The following DHRSX variants were observed in gnomAD, a reference collection of about 807,000 sequenced individuals.
DHRSX encodes the protein polyprenol dehydrogenase.
Under a neutral mutation model 34.0 loss-of-function variants are expected in DHRSX, and 31 were observed. That is an observed-to-expected ratio of 0.91 (90% CI 0.69 to 1.23). DHRSX has a LOEUF of 1.23. Ranked by LOEUF, DHRSX falls within the 50% of genes most tolerant of loss-of-function variation. The probability of loss-of-function intolerance (pLI) is 0.00; values close to 1 mark genes in which losing one functional copy is unlikely to be tolerated. For synonymous variants in DHRSX, 201 were observed against 183.8 expected (o/e 1.09, Z -0.76); for missense variants, 414 against 428.1 (o/e 0.97, Z 0.29).
chrX:2,455,874 G>A (rs1302136314), intron 1 of DHRSX, among the ~76,000 whole-genome samples: 2 of 151,544 alleles, frequency 1.3e-5, no homozygotes, highest in African/African-American at 2.4e-5. Context: ...GGGATTTCCA[G>A]AGGCAGGACT....
chrX:2,388,175 G>A (rs2043294152), intron 3 of DHRSX, among the ~76,000 whole-genome samples: 1 of 152,096 alleles, frequency 6.6e-6, no homozygotes, highest in Non-Finnish European at 1.5e-5. Flanking sequence ...GGAACCCCAT[G>A]GCAAGATGCT....
intron 1 of DHRSX, among the ~76,000 whole-genome samples, chrX:2,491,066 GTTTT>G (rs900738620): frequency 2.7e-5 from 3 of 110,244 alleles, no homozygotes; most frequent in African/African-American, 3.5e-5. Flanking sequence ...AGTGCCTTTA[GTTTT>G]TTTTTTTTTT....
At chrX:2,388,768 G>A (rs2043301104) in intron 3 of DHRSX, among the ~76,000 whole-genome samples, 2 of 151,658 alleles carry the variant, frequency 1.3e-5, no homozygotes, top group Non-Finnish European at 2.9e-5. Context: ...AATCAGCCTT[G>A]CCCATACCCT....
At position 2,243,099 on chromosome X, in the gene DHRSX, A is replaced by C. The variant is rs1406300493; in HGVS notation, c.728T>G (p.Val243Gly). 1.9e-6 allele frequency: 3 copies of C among 1,613,590 alleles called. No homozygotes were observed. Among genetic ancestry groups the C allele is most frequent in the Non-Finnish European group, 2.5e-6 (3 of 1,179,712 alleles). ...VTANVVDPGV[V>G]NTDVYKHVFW... ...CACGTGCTTGTAGACGTCCGTGTTG[A>C]CCACCCCGGGGTCCACCACGTTGGC... Residue 243 changes from valine to glycine, a missense_variant, in exon 6 of 7, where the codon GTC becomes GGC. Val to Gly is a moderately radical substitution (Grantham distance 109, BLOSUM62 -3). Coordinates refer to ENST00000334651, the MANE Select transcript of DHRSX (RefSeq NM_145177.3).
At chrX:2,225,619 T>C (rs1472932720) in intron 6 of DHRSX, among the ~76,000 whole-genome samples, 1 of 150,818 alleles carries the variant, frequency 6.6e-6, no homozygotes, top group Admixed American at 6.6e-5. Context: ...TCAATGTATG[T>C]CGTTTCTAAG....
intron 3 of DHRSX, among the ~76,000 whole-genome samples, chrX:2,331,443 T>TTTTG (rs2042473977): frequency 1.5e-5 from 1 of 68,948 alleles, no homozygotes; most frequent in Non-Finnish European, 2.9e-5. Context: ...TTGGTTTTTT[T>TTTTG]TTTTTTTTTT....
chrX:2,365,756 T>G (rs1232275514), intron 3 of DHRSX, among the ~76,000 whole-genome samples: 1 of 151,978 alleles, frequency 6.6e-6, no homozygotes, highest in South Asian at 2.1e-4. Context: ...TTGGTGAGCC[T>G]TGGGTGGATA....
intron 1 of DHRSX, among the ~76,000 whole-genome samples, chrX:2,464,391 C>G (rs1369894833): frequency 7.6e-6 from 1 of 131,828 alleles, no homozygotes; most frequent in Non-Finnish European, 1.6e-5. Flanking sequence ...AAGTGTGTGG[C>G]TAAGGGACTG....
chrX:2,470,687 T>C (rs957073934), intron 1 of DHRSX, among the ~76,000 whole-genome samples: 3 of 152,166 alleles, frequency 2.0e-5, no homozygotes, highest in Non-Finnish European at 4.4e-5. Context: ...AGCCTGGCTA[T>C]AGGATGAGAC....
At position 2,342,444 on chromosome X, in the gene DHRSX, T is replaced by C. The variant is rs752823964; in HGVS notation, c.287-50841A>G. ...TATTTCTAGCTCCTGGGCAGGACGGTGACCATGAGTTCGACGGTGCCCAGC... is the reference window on the plus strand; with the variant it reads ...TATTTCTAGCTCCTGGGCAGGACGGCGACCATGAGTTCGACGGTGCCCAGC... On this transcript the variant is annotated intron_variant, in intron 3 of 6. Coordinates refer to ENST00000334651, the MANE Select transcript of DHRSX (RefSeq NM_145177.3). Among the ~76,000 whole-genome samples, 3 of 152,144 alleles carry C rather than the reference T, an allele frequency of 2.0e-5. No individual in the cohort carries two copies. In the Admixed American group the frequency reaches 2.0e-4, roughly 10 times the overall value.
At chrX:2,248,541 A>T (rs1452124713) in intron 5 of DHRSX, among the ~76,000 whole-genome samples, 1 of 147,650 alleles carries the variant, frequency 6.8e-6, no homozygotes, top group Non-Finnish European at 1.5e-5. Context: ...TGAACCCAGA[A>T]GGTGGAGGCT....
intron 1 of DHRSX, among the ~76,000 whole-genome samples, chrX:2,463,949 C>T (rs1309282085): frequency 6.6e-6 from 1 of 152,136 alleles, no homozygotes; most frequent in East Asian, 1.9e-4. Flanking sequence ...TGAAGACGTT[C>T]GGAAAGCATG....
intron 3 of DHRSX, among the ~76,000 whole-genome samples, chrX:2,407,551 C>A (rs1015829634): frequency 9.9e-5 from 15 of 152,174 alleles, no homozygotes; most frequent in Non-Finnish European, 1.5e-4. Context: ...TACATCCCCT[C>A]GTTATCTAAC....
At chrX:2,361,367 A>G (rs2042932417) in intron 3 of DHRSX, among the ~76,000 whole-genome samples, 1 of 152,122 alleles carries the variant, frequency 6.6e-6, no homozygotes, top group Non-Finnish European at 1.5e-5. Context: ...AGCCTCCCAA[A>G]GTGCCAGGAT....
chrX:2,407,879 C>T (rs775797639), intron 3 of DHRSX, among the ~76,000 whole-genome samples: 6 of 152,184 alleles, frequency 3.9e-5, no homozygotes, highest in South Asian at 4.2e-4. Context: ...CTCACCACTA[C>T]GCCATTCATC....
At chrX:2,244,679 T>C (rs1187305834) in intron 5 of DHRSX, among the ~76,000 whole-genome samples, 1 of 85,854 alleles carries the variant, frequency 1.2e-5, no homozygotes, top group Non-Finnish European at 2.9e-5. Flanking sequence ...ATCGCTTGCT[T>C]CTTTTATATA....
At chrX:2,368,173 G>A (rs1326557476) in intron 3 of DHRSX, among the ~76,000 whole-genome samples, 1 of 151,496 alleles carries the variant, frequency 6.6e-6, no homozygotes, top group East Asian at 1.9e-4. Flanking sequence ...AACCTGGGAG[G>A]CAGAGGTTGC....
intron 3 of DHRSX, among the ~76,000 whole-genome samples, chrX:2,294,128 G>A (rs749706694): frequency 4.0e-5 from 6 of 151,818 alleles, no homozygotes; most frequent in African/African-American, 1.2e-4. Flanking sequence ...GGGAGGAAAA[G>A]GGGAAGAGAG....
In DHRSX at chrX:2,464,202, A is replaced by ACAG. The variant is rs2044446855; in HGVS notation, c.109+36614_109+36615insCTG. Among the ~76,000 whole-genome samples the ACAG allele has an allele frequency of 4.8e-5, 4 of 82,502 alleles. No individual in the cohort carries two copies. The South Asian group carries it at 1.5e-3, about 31-fold the overall frequency. 54.1% of individuals were successfully genotyped at this position (82,502 alleles called of 152,430 possible). A position where few individuals can be genotyped will look rare whatever the true frequency, so the allele number is the denominator to read the frequency against. On this transcript the variant is annotated intron_variant, in intron 1 of 6. Coordinates refer to ENST00000334651, the MANE Select transcript of DHRSX (RefSeq NM_145177.3). Reference sequence around the variant, plus strand: ...CGTTTCCTAGGCATGTGGCTAAGGGACCGCCGTGTACACACTTAAGACATT... The same window carrying ACAG: ...CGTTTCCTAGGCATGTGGCTAAGGGACAGCCGCCGTGTACACACTTAAGACATT...
Sources: allele counts gnomAD v4.1 joint callset (sites outside exome capture counted in the v4.1 genomes callset), GRCh38; gene constraint gnomAD v4.1.1; transcripts MANE v1.5; gene names NCBI Gene and HGNC (gene_info 2026-07-23, HGNC 2026-07-21).